The following RNASEH1 variants were observed in gnomAD, a reference collection of about 807,000 sequenced individuals.
RNASEH1 encodes the protein ribonuclease H1.
Under a neutral mutation model 34.6 loss-of-function variants are expected in RNASEH1, and 27 were observed. That is an observed-to-expected ratio of 0.78 (90% CI 0.58 to 1.08). RNASEH1 has a LOEUF of 1.08. RNASEH1 is among the 50% of genes least tolerant of loss of function. The pLI, the probability that RNASEH1 is intolerant of heterozygous loss-of-function variation, is 0.00. For missense variants in RNASEH1, 349 were observed against 373.6 expected (o/e 0.93, Z 0.54); for synonymous variants, 162 against 138.4 (o/e 1.17, Z -1.20).
the RNASEH1 span, chr2:3,532,172 A>G: frequency 1.5e-6 from 1 of 680,532 alleles, no homozygotes. Flanking sequence ...TAACACTTTG[A>G]GCAGCCAGAC....
In RNASEH1 at chr2:3,541,669, T is replaced by G. The variant is rs1668316508; in HGVS notation, c.*4116A>C. Among the ~76,000 whole-genome samples, 1 of 152,158 alleles carries G rather than the reference T, an allele frequency of 6.6e-6. No individual in the cohort carries two copies. Among genetic ancestry groups the G allele is most frequent in the Non-Finnish European group, 1.5e-5 (1 of 68,024 alleles). On this transcript the variant is annotated 3_prime_UTR_variant, in exon 8 of 8. Coordinates refer to ENST00000315212, the MANE Select transcript of RNASEH1 (RefSeq NM_002936.6). ...AATTCTAGAATATATAAATTAACCT[T>G]TAGTGAGAGGGAGCAGACCAGTGGT...
intron 4 of RNASEH1, among the ~76,000 whole-genome samples, chr2:3,549,698 T>C (rs112854491): frequency 3.6e-4 from 54 of 151,746 alleles, no homozygotes; most frequent in African/African-American, 1.3e-3. Context: ...AAAAAAGGAC[T>C]CCTCTTGGGA....
intron 2 of RNASEH1, among the ~76,000 whole-genome samples, chr2:3,555,300 GAA>G (rs1189583338): frequency 6.6e-6 from 1 of 152,098 alleles, no homozygotes; most frequent in East Asian, 1.9e-4. Context: ...CTGGCTCTCG[GAA>G]AAAAGTCGCC....
At chr2:3,557,024 G>T (rs1363993065) in intron 1 of RNASEH1, 120 bp from the exon 2 acceptor site, 15 of 710,286 alleles carry the variant, frequency 2.1e-5, no homozygotes, top group Non-Finnish European at 3.7e-5. Flanking sequence ...CTGATTCCAG[G>T]AAGTCCTCCA....
At chr2:3,541,293 C>T (rs1295406396), downstream of RNASEH1, among the ~76,000 whole-genome samples, 2 of 150,348 alleles carry the variant, frequency 1.3e-5, no homozygotes, top group Non-Finnish European at 3.0e-5. Context: ...CACGCCACTG[C>T]ACTCCAGCCT....
Position 3,556,886 on chromosome 2 carries a change from C to T in RNASEH1, c.147G>A (p.Gln49=). The T allele has an allele frequency of 6.2e-7, 1 of 1,613,488 alleles. No individual in the cohort carries two copies. ...VFLTWNECRA[Q]VDRFPAARFK... Reference sequence around the variant, plus strand: ...ATCTGGCAGCAGGAAACCGGTCCACCTGTGCTCTGCACTCATTCCTGGAAA... The same window carrying T: ...ATCTGGCAGCAGGAAACCGGTCCACTTGTGCTCTGCACTCATTCCTGGAAA... The change falls in exon 2 of 8, where the codon CAG becomes CAA. Residue 49 remains glutamine (Q), a synonymous_variant. Transcript: ENST00000315212.
rs1162099553 is a variant in RNASEH1, at chr2:3,550,142, T to TA, written c.509+230dup. 14,048 of 238,090 alleles carry TA rather than the reference T, an allele frequency of 0.059. 321 individuals are homozygous for TA. Among genetic ancestry groups the TA allele is most frequent in the African/African-American group, 0.13 (2,975 of 22,584 alleles). 14.7% of individuals were successfully genotyped at this position (238,090 alleles called of 1,614,324 possible). On this transcript the variant is annotated intron_variant, in intron 4 of 7. Coordinates refer to ENST00000315212, the MANE Select transcript of RNASEH1 (RefSeq NM_002936.6). ...TGGGCAACAGTGTGAGACCGTGTCT[T>TA]AAAAAAAAAAAAAAAAAAAAAAAAA... is the stretch of plus-strand genomic sequence containing the variant.
rs149902197 is a variant in RNASEH1 at position 3,558,261 on chromosome 2, C to G, written c.-1G>C. 79 of 1,578,106 alleles carry G rather than the reference C, an allele frequency of 5.0e-5. No homozygotes were observed. In the African/African-American group the frequency reaches 1.1e-3, roughly 21 times the overall value. ...GGGCCAGGAACAGAAGCCAGCTCAT[C>G]GCTCACTCCCGGCACCGGGAAGCAT... On this transcript the variant is annotated 5_prime_UTR_variant, in exon 1 of 8. Transcript: ENST00000315212.
At chr2:3,537,981 C>G (rs368488300), downstream of RNASEH1, among the ~76,000 whole-genome samples, 2 of 150,532 alleles carry the variant, frequency 1.3e-5, no homozygotes, top group African/African-American at 4.9e-5. Context: ...AGGTTGCGGT[C>G]AGTTGAGATC....
At chr2:3,533,611 G>A in the RNASEH1 span, 1 of 152,308 alleles carries the variant, frequency 6.6e-6, no homozygotes, top group East Asian at 1.9e-4. Context: ...CACTAAGAAA[G>A]TGCCATTTGA....
Position 3,556,854 on chromosome 2 carries a change from T to C in RNASEH1, c.179A>G (p.Lys60Arg). 6.2e-7 allele frequency: 1 copy of C among 1,614,162 alleles called. No homozygotes were observed. The highest frequency in any genetic ancestry group is 8.5e-7 in the Non-Finnish European group (1 of 1,179,966). The change falls in exon 2 of 8, where the codon AAG becomes AGG. Residue 60 changes from lysine (K) to arginine (R), a missense_variant. By Grantham distance (26) the Lys-to-Arg change is conservative. This residue lies in a region of RNASEH1 where 256 missense variants were observed against 240.7 expected (regional missense o/e 1.06). Coordinates refer to ENST00000315212, the MANE Select transcript of RNASEH1 (RefSeq NM_002936.6). ...CCAGGCCTCATCCTCTGTGGCAAAC[T>C]TCTTAAATCTGGCAGCAGGAAACCG... is the stretch of plus-strand genomic sequence containing the variant. ...VDRFPAARFK[K>R]FATEDEAWAF...
At position 3,541,493 on chromosome 2, in the gene RNASEH1, C is replaced by T. The variant is rs1668302414; in HGVS notation, c.*4292G>A. 6.6e-6 allele frequency among the ~76,000 whole-genome samples: 1 copy of T among 152,086 alleles called. No individual in the cohort carries two copies. Among genetic ancestry groups the T allele is most frequent in the African/African-American group, 2.4e-5 (1 of 41,400 alleles). On this transcript the variant is annotated 3_prime_UTR_variant, in exon 8 of 8. Transcript: ENST00000315212. The stretch of plus-strand genomic sequence containing the variant: ...TAGAAATTGGAAATAATCGAAATAT[C>T]GGTCAACAGGTAAATAAATAAACTG...
chr2:3,539,421 G>C (rs910945892), downstream of RNASEH1, among the ~76,000 whole-genome samples: 19 of 152,154 alleles, frequency 1.2e-4, no homozygotes, highest in African/African-American at 4.6e-4. Context: ...GTATTTTGAT[G>C]AAAGTTGTTC....
In RNASEH1 at chr2:3,543,770, C is replaced by A. The variant is rs1278043778; in HGVS notation, c.*2015G>T. On this transcript the variant is annotated 3_prime_UTR_variant, in exon 8 of 8. Transcript: ENST00000315212. ...GGACAACAGGCAGGCACTACCACAC[C>A]CACCTGATTTTATTTTAATTTTCTG... 1.3e-5 allele frequency among the ~76,000 whole-genome samples: 2 copies of A among 151,912 alleles called. No homozygotes were observed. The highest frequency in any genetic ancestry group is 4.2e-4 in the South Asian group (2 of 4,802).
In RNASEH1 at chr2:3,543,499, G is replaced by C. The variant is rs886631701; in HGVS notation, c.*2286C>G. Among the ~76,000 whole-genome samples, 2 of 152,036 alleles carry C rather than the reference G, an allele frequency of 1.3e-5. No individual in the cohort carries two copies. The highest frequency in any genetic ancestry group is 4.8e-5 in the African/African-American group (2 of 41,412). On this transcript the variant is annotated 3_prime_UTR_variant, in exon 8 of 8. Coordinates refer to ENST00000315212, the MANE Select transcript of RNASEH1 (RefSeq NM_002936.6). ...GCACACATGTGCACACTTATCAAAA[G>C]AAAGCAAGAGCCAAGCTGAAGAGGC...
chr2:3,550,290 A>T, intron 4 of RNASEH1, 83 bp downstream of exon 4: 1 of 1,172,918 alleles, frequency 8.5e-7, no homozygotes, highest in Non-Finnish European at 1.3e-6. Context: ...TTTTCCCAAT[A>T]ATCAAACAAT....
chr2:3,532,021 G>A, the RNASEH1 span: 1 of 536,874 alleles, frequency 1.9e-6, no homozygotes, highest in Non-Finnish European at 3.3e-6. Flanking sequence ...ATTCCATTTG[G>A]CCAAAGCAAG....
intron 3 of RNASEH1, among the ~76,000 whole-genome samples, chr2:3,551,397 G>A (rs956203836): frequency 2.6e-5 from 4 of 152,164 alleles, no homozygotes; most frequent in African/African-American, 4.8e-5. Flanking sequence ...CTCCAGCAAT[G>A]GTCAGTGTCT....
At chr2:3,558,042 C>T in intron 1 of RNASEH1, 91 bp downstream of exon 1, 1 of 1,479,962 alleles carries the variant, frequency 6.8e-7, no homozygotes. Flanking sequence ...AGACTCGGAC[C>T]GCCAGGCTCC....
Sources: allele counts gnomAD v4.1 joint callset (sites outside exome capture counted in the v4.1 genomes callset), GRCh38; gene constraint gnomAD v4.1.1; regional missense constraint gnomAD v4.1.1; transcripts MANE v1.5; gene names NCBI Gene and HGNC (gene_info 2026-07-23, HGNC 2026-07-21).